C3orf33: variants seen among roughly 807,000 people sequenced by gnomAD.
The protein encoded by C3orf33 is mitochondrial inner membrane subdomain organizer 1, also known as AP-1 activity suppressor.
Under a neutral mutation model 28.7 loss-of-function variants are expected in C3orf33, and 23 were observed. That is an observed-to-expected ratio of 0.80 (90% confidence interval 0.58 to 1.13). C3orf33 has a LOEUF of 1.13. Ranked by LOEUF, C3orf33 falls within the 50% of genes most tolerant of loss-of-function variation. The probability of loss-of-function intolerance (pLI) is 0.00; values close to 1 mark genes in which losing one functional copy is unlikely to be tolerated. For synonymous variants in C3orf33, 119 were observed against 120.5 expected (o/e 0.99, Z 0.08); for missense variants, 327 against 353.4 (o/e 0.93, Z 0.60).
chr3:155,791,909 C>G (rs1217779379), intron 2 of C3orf33, among the ~76,000 whole-genome samples: 1 of 152,022 alleles, frequency 6.6e-6, no homozygotes, highest in Non-Finnish European at 1.5e-5. Context: ...GAAGTCACCA[C>G]CCAGAAGAGA....
intron 4 of C3orf33, among the ~76,000 whole-genome samples, chr3:155,765,350 G>C (rs1293004325): frequency 6.6e-6 from 1 of 152,116 alleles, no homozygotes; most frequent in Non-Finnish European, 1.5e-5. Flanking sequence ...CATAATATAA[G>C]CATGGCACCT....
intron 2 of C3orf33, among the ~76,000 whole-genome samples, chr3:155,779,990 C>T (rs1384429616): frequency 6.6e-6 from 1 of 152,294 alleles, no homozygotes; most frequent in East Asian, 1.9e-4. Context: ...CAAAGCTGTG[C>T]TTCTGTAACA....
intron 3 of C3orf33, among the ~76,000 whole-genome samples, chr3:155,769,961 AT>A (rs1189697215): frequency 6.6e-6 from 1 of 152,144 alleles, no homozygotes; most frequent in African/African-American, 2.4e-5. Flanking sequence ...TGTCATGCCC[AT>A]CTTTTAGTGG....
chr3:155,784,222 G>A (rs548354641), intron 2 of C3orf33, among the ~76,000 whole-genome samples: 12 of 152,162 alleles, frequency 7.9e-5, no homozygotes, highest in Admixed American at 1.3e-4. Flanking sequence ...GAGCCACCGC[G>A]CCCAGCCTAG....
intron 3 of C3orf33, among the ~76,000 whole-genome samples, chr3:155,774,658 T>C (rs1488339306): frequency 7.2e-6 from 1 of 137,962 alleles, no homozygotes; most frequent in African/African-American, 2.7e-5. Context: ...CGTTATGATA[T>C]TGTTTTGCTT....
intron 3 of C3orf33, 81 bp downstream of exon 3, chr3:155,775,620 C>CT (rs536905934): frequency 1.3e-4 from 130 of 1,002,238 alleles, no homozygotes; most frequent in South Asian, 2.6e-4. Flanking sequence ...ATTAAAATGA[C>CT]TTTTTTTTGC....
chr3:155,772,777 T>TGTGTGC (rs1356739030), intron 3 of C3orf33, among the ~76,000 whole-genome samples: 1 of 105,906 alleles, frequency 9.4e-6, no homozygotes, highest in Non-Finnish European at 2.2e-5. Flanking sequence ...AGGCTCTGTG[T>TGTGTGC]GTGTGTGTGT....
intron 2 of C3orf33, among the ~76,000 whole-genome samples, chr3:155,800,242 G>A (rs1370105768): frequency 1.3e-5 from 2 of 151,930 alleles, no homozygotes; most frequent in African/African-American, 4.8e-5. Context: ...GGAAAACATA[G>A]ACAAATTGGA....
At chr3:155,801,184 G>A (rs529146305) in intron 2 of C3orf33, among the ~76,000 whole-genome samples, 1 of 152,014 alleles carries the variant, frequency 6.6e-6, no homozygotes, top group South Asian at 2.1e-4. Context: ...GGTGGCAGGC[G>A]CCTGTAATCT....
chr3:155,771,102 G>A lies in C3orf33; in HGVS notation c.323-3433C>T, dbSNP rs151119030. ...CCACCCAGGCTGGAGGACAGTGTGT[G>A]TGTGTGTGTATGTGGTGTGTGGAGA... On this transcript the variant is annotated intron_variant, in intron 3 of 4. Transcript: ENST00000340171. Among the ~76,000 whole-genome samples the A allele has an allele frequency of 8.6e-3, 1,306 of 151,068 alleles. 34 individuals carry two copies. Among genetic ancestry groups the A allele is most frequent in the South Asian group, 0.068 (322 of 4,740 alleles).
chr3:155,804,172 G>T (rs1457882263), intron 1 of C3orf33: 3 of 428,260 alleles, frequency 7.0e-6, no homozygotes, highest in Middle Eastern at 7.1e-4. Flanking sequence ...GCAAGACTTG[G>T]TCTAAAAAAA....
intron 2 of C3orf33, among the ~76,000 whole-genome samples, chr3:155,789,407 T>C (rs1007338269): frequency 5.3e-5 from 8 of 150,464 alleles, no homozygotes; most frequent in Non-Finnish European, 8.9e-5. Context: ...TAATTAGGAA[T>C]TAACCAGGAC....
chr3:155,799,439 A>G (rs1474511437), intron 2 of C3orf33, among the ~76,000 whole-genome samples: 1 of 152,218 alleles, frequency 6.6e-6, no homozygotes, highest in Admixed American at 6.5e-5. Context: ...CTGTAATCCC[A>G]GCACTTTGGG....
At chr3:155,767,445 A>G in intron 4 of C3orf33, 64 bp downstream of exon 4, 1 of 1,225,258 alleles carries the variant, frequency 8.2e-7, no homozygotes, top group Non-Finnish European at 1.1e-6. Context: ...CTAATTAAAT[A>G]AGTGTTTACA....
At chr3:155,774,666 CT>C (rs62815064) in intron 3 of C3orf33, among the ~76,000 whole-genome samples, 50,935 of 95,092 alleles carry the variant, frequency 0.54, 12,286 homozygotes, top group East Asian at 0.8. Context: ...TATTGTTTTG[CT>C]TTTTTTTTTT....
At chr3:155,780,459 T>A (rs1750883846) in intron 2 of C3orf33, among the ~76,000 whole-genome samples, 1 of 152,264 alleles carries the variant, frequency 6.6e-6, no homozygotes, top group Non-Finnish European at 1.5e-5. Context: ...CAAAAGATTA[T>A]TATAAGCATT....
At chr3:155,767,989 C>T (rs935680514) in intron 3 of C3orf33, among the ~76,000 whole-genome samples, 51 of 152,124 alleles carry the variant, frequency 3.4e-4, no homozygotes, top group African/African-American at 1.0e-3. Context: ...AAGCGATTCT[C>T]GTGCCTCAAC....
At chr3:155,773,864 G>A (rs114440598) in intron 3 of C3orf33, among the ~76,000 whole-genome samples, 1 of 152,326 alleles carries the variant, frequency 6.6e-6, no homozygotes, top group African/African-American at 2.4e-5. Flanking sequence ...CCTGCTTAGA[G>A]CTGAGATGGC....
chr3:155,765,693 A>G (rs969127871), intron 4 of C3orf33, among the ~76,000 whole-genome samples: 7 of 151,954 alleles, frequency 4.6e-5, no homozygotes, highest in Non-Finnish European at 7.4e-5. Context: ...GATTCCAGGC[A>G]CCCGGCACCA....
Sources: gnomAD v4.1 joint callset for allele counts (sites outside exome capture counted in the v4.1 genomes callset) on GRCh38, gnomAD v4.1.1 for gene constraint, MANE v1.5 for transcripts, NCBI Gene and HGNC (gene_info 2026-07-23, HGNC 2026-07-21) for gene names.